Variants in FAM53B observed in about 807,000 individuals in gnomAD.
FAM53B encodes protein FAM53B.
FAM53B carries 12 observed loss-of-function variants against 32.7 expected under a neutral mutation model. The observed-to-expected ratio is 0.37, with a 90% CI of 0.24 to 0.59. The LOEUF (loss-of-function observed/expected upper bound fraction) is 0.59, where lower values mean the gene tolerates loss of function less well. Among genes scored for constraint, FAM53B ranks in the 20% least tolerant of loss-of-function variants. The probability of loss-of-function intolerance (pLI) is 0.72; values close to 1 mark genes in which losing one functional copy is unlikely to be tolerated. For synonymous variants in FAM53B, 234 were observed against 228.7 expected, an observed-to-expected ratio of 1.02 and a Z score of -0.21; for missense variants, 477 against 577.7, an observed-to-expected ratio of 0.83 and a Z score of 1.79.
intron 4 of FAM53B, among the ~76,000 whole-genome samples, chr10:124,675,367 G>T (rs2134065037): frequency 6.6e-6 from 1 of 152,330 alleles, no homozygotes; most frequent in East Asian, 1.9e-4. Context: ...CAGCTGGCAG[G>T]ATCCCGGCCC....
At chr10:124,736,448 C>G (rs1379708087) in intron 1 of FAM53B, among the ~76,000 whole-genome samples, 2 of 152,266 alleles carry the variant, frequency 1.3e-5, no homozygotes, top group African/African-American at 4.8e-5. Context: ...GGCTCCTTCT[C>G]CTCACCCAGA....
intron 4 of FAM53B, among the ~76,000 whole-genome samples, chr10:124,669,703 C>G (rs992440374): frequency 6.6e-6 from 1 of 152,196 alleles, no homozygotes; most frequent in Admixed American, 6.5e-5. Flanking sequence ...GAGCTCACCC[C>G]AGGAAGGGAG....
At chr10:124,730,853 T>A (rs879266449) in intron 1 of FAM53B, among the ~76,000 whole-genome samples, 4 of 152,138 alleles carry the variant, frequency 2.6e-5, no homozygotes, top group African/African-American at 9.7e-5. Flanking sequence ...GTCAGCACAT[T>A]TTTTTTTCTG....
intron 2 of FAM53B, among the ~76,000 whole-genome samples, chr10:124,700,391 C>T (rs1445294687): frequency 6.6e-6 from 1 of 152,152 alleles, no homozygotes; most frequent in African/African-American, 2.4e-5. Flanking sequence ...GGGAACCCCT[C>T]GGCCCTCTGA....
At chr10:124,641,429 A>G (rs981695296) in intron 4 of FAM53B, among the ~76,000 whole-genome samples, 1 of 152,198 alleles carries the variant, frequency 6.6e-6, no homozygotes, top group Non-Finnish European at 1.5e-5. Flanking sequence ...AAGTTAGGAG[A>G]TGAGCCAACT....
At chr10:124,676,483 A>C (rs1464398406) in intron 4 of FAM53B, among the ~76,000 whole-genome samples, 1 of 152,190 alleles carries the variant, frequency 6.6e-6, no homozygotes, top group Non-Finnish European at 1.5e-5. Context: ...TTGGCCAAGG[A>C]AAGGCACAGC....
At chr10:124,721,647 A>T (rs796076349) in intron 1 of FAM53B, among the ~76,000 whole-genome samples, 7 of 152,380 alleles carry the variant, frequency 4.6e-5, no homozygotes, top group African/African-American at 1.7e-4. Context: ...AAGACTCAGC[A>T]GAATCCAACT....
At chr10:124,698,687 T>C (rs999749053) in intron 2 of FAM53B, among the ~76,000 whole-genome samples, 4 of 152,058 alleles carry the variant, frequency 2.6e-5, no homozygotes, top group Admixed American at 6.5e-5. Flanking sequence ...CACCCCACCA[T>C]TGGCCCTGAT....
At chr10:124,661,200 T>G (rs1371439769) in intron 4 of FAM53B, among the ~76,000 whole-genome samples, 1 of 152,150 alleles carries the variant, frequency 6.6e-6, no homozygotes, top group African/African-American at 2.4e-5. Context: ...GAATGTCCCC[T>G]GAATCAGGAG....
chr10:124,701,749 G>A (rs1447409229), intron 2 of FAM53B, among the ~76,000 whole-genome samples: 1 of 151,800 alleles, frequency 6.6e-6, no homozygotes, highest in African/African-American at 2.4e-5. Context: ...CAGTGCAAGC[G>A]AAGCCAGGGC....
chr10:124,630,927 AC>A (rs1413109028), intron 4 of FAM53B, among the ~76,000 whole-genome samples: 1 of 152,192 alleles, frequency 6.6e-6, no homozygotes, highest in Non-Finnish European at 1.5e-5. Context: ...GACTGGTCAG[AC>A]TCACAGGGCA....
chr10:124,667,379 G>A (rs764709890), intron 4 of FAM53B: 130 of 765,568 alleles, frequency 1.7e-4, no homozygotes, highest in East Asian at 1.2e-3. Context: ...CTCAGCCACC[G>A]CCTGTAAAAT....
At chr10:124,668,496 G>A (rs982435548) in intron 4 of FAM53B, among the ~76,000 whole-genome samples, 3 of 152,270 alleles carry the variant, frequency 2.0e-5, no homozygotes, top group Non-Finnish European at 4.4e-5. Flanking sequence ...AGGGGGATAC[G>A]GGCAATGCAC....
chr10:124,635,879 C>T (rs990204433), intron 4 of FAM53B, among the ~76,000 whole-genome samples: 2 of 152,142 alleles, frequency 1.3e-5, no homozygotes, highest in African/African-American at 4.8e-5. Flanking sequence ...TTCAAGAGAA[C>T]AAGATACAGC....
chr10:124,736,391 T>C (rs1564891689), intron 1 of FAM53B, among the ~76,000 whole-genome samples: 1 of 152,262 alleles, frequency 6.6e-6, no homozygotes, highest in African/African-American at 2.4e-5. Context: ...GCACTCCTTC[T>C]GGAGACTCAA....
At chr10:124,641,919 G>C (rs1468760746) in intron 4 of FAM53B, among the ~76,000 whole-genome samples, 2 of 152,246 alleles carry the variant, frequency 1.3e-5, no homozygotes, top group Non-Finnish European at 2.9e-5. Flanking sequence ...GCCTGTGCCA[G>C]TGATACTATT....
intron 1 of FAM53B, among the ~76,000 whole-genome samples, chr10:124,725,269 C>T (rs527731644): frequency 3.7e-4 from 57 of 152,222 alleles, no homozygotes; most frequent in South Asian, 2.1e-4. Flanking sequence ...TGGACTTCAA[C>T]GCACCATTTC....
intron 4 of FAM53B, among the ~76,000 whole-genome samples, chr10:124,653,048 A>G (rs1219832643): frequency 6.6e-6 from 1 of 152,214 alleles, no homozygotes; most frequent in Non-Finnish European, 1.5e-5. Flanking sequence ...CCTTGAGGCC[A>G]GGACAGCATT....
chr10:124,712,005 A>G lies in FAM53B; in HGVS notation c.-174-5118T>C, dbSNP rs537851840. Among the ~76,000 whole-genome samples the G allele has an allele frequency of 2.0e-5, 3 of 152,332 alleles. No homozygotes were observed. In the East Asian group the frequency reaches 5.8e-4, roughly 29 times the overall value. ...AGCCCAGGAGTTTGAAGTTGAAATGAGCTATGATCATGCTACTGCACTCCA... is the reference window on the plus strand; with the variant it reads ...AGCCCAGGAGTTTGAAGTTGAAATGGGCTATGATCATGCTACTGCACTCCA... On this transcript the variant is annotated intron_variant, in intron 1 of 4. Coordinates refer to ENST00000337318, the MANE Select transcript of FAM53B (RefSeq NM_014661.4).
Sources: gnomAD v4.1 joint callset for allele counts (sites outside exome capture counted in the v4.1 genomes callset) on GRCh38, gnomAD v4.1.1 for gene constraint, MANE v1.5 for transcripts, NCBI Gene and HGNC (gene_info 2026-07-23, HGNC 2026-07-21) for gene names.